The following BACH1 variants were observed in gnomAD, a reference collection of about 807,000 sequenced individuals.
BACH1 encodes the protein BTB domain and CNC homolog 1.
In BACH1, 35 loss-of-function variants were observed where a neutral mutation model predicts 52.9. The ratio of observed to expected loss-of-function variants is 0.66; its 90% CI spans 0.51 to 0.88. BACH1 has a LOEUF of 0.88. Ranked by LOEUF, BACH1 falls within the 40% of genes least tolerant of loss-of-function variation. BACH1 has a pLI of 0.00. For synonymous variants in BACH1, 321 were observed against 319.6 expected (o/e 1.00, Z -0.05); for missense variants, 808 against 872.6 (o/e 0.93, Z 0.93).
At chr21:29,318,380 G>C (rs2088811894) in intron 1 of BACH1, among the ~76,000 whole-genome samples, 1 of 152,162 alleles carries the variant, frequency 6.6e-6, no homozygotes, top group African/African-American at 2.4e-5. Context: ...GTGAGTCCCA[G>C]ATTTCTTGTA....
intron 3 of BACH1, among the ~76,000 whole-genome samples, chr21:29,327,813 T>G (rs1271937856): frequency 2.6e-5 from 4 of 152,170 alleles, no homozygotes; most frequent in Non-Finnish European, 5.9e-5. Flanking sequence ...AGAGCAAGAC[T>G]GTCTCAAAAA....
chr21:29,321,771 A>G (rs1029322395), intron 2 of BACH1, among the ~76,000 whole-genome samples: 4 of 151,942 alleles, frequency 2.6e-5, no homozygotes, highest in Non-Finnish European at 4.4e-5. Flanking sequence ...TGACCAAATC[A>G]GGACACGCCC....
At chr21:29,358,279 A>G (rs188841237) in intron 2 of BACH1, among the ~76,000 whole-genome samples, 2 of 152,248 alleles carry the variant, frequency 1.3e-5, no homozygotes, top group Non-Finnish European at 2.9e-5. Context: ...ACAATATCCA[A>G]TAAAAAGAAC....
At chr21:29,360,845 C>CAAA (rs561114811) in intron 2 of BACH1, among the ~76,000 whole-genome samples, 39 of 83,758 alleles carry the variant, frequency 4.7e-4, no homozygotes, top group Non-Finnish European at 7.7e-4. Context: ...GACCCTGTCT[C>CAAA]AAAAAAAAAA....
chr21:29,354,048 G>A (rs2123490490), intron 2 of BACH1, among the ~76,000 whole-genome samples: 1 of 152,134 alleles, frequency 6.6e-6, no homozygotes, highest in South Asian at 2.1e-4. Context: ...GATTGCTCAT[G>A]GTCAACCAAT....
At chr21:29,301,813 CTTAAGA>C (rs1183267760) in intron 1 of BACH1, among the ~76,000 whole-genome samples, 1 of 152,016 alleles carries the variant, frequency 6.6e-6, no homozygotes, top group East Asian at 1.9e-4. Flanking sequence ...CTTATGTTCT[CTTAAGA>C]TTAATAAGAC....
intron 4 of BACH1, among the ~76,000 whole-genome samples, chr21:29,332,470 T>G (rs937329864): frequency 1.3e-5 from 2 of 152,234 alleles, no homozygotes; most frequent in African/African-American, 4.8e-5. Flanking sequence ...ACTCTTTGGC[T>G]TCAAGAAACA....
chr21:29,359,979 G>A lies in BACH1; in HGVS notation c.472+30286G>A, dbSNP rs563173714. On this transcript the variant is annotated intron_variant, in intron 2 of 4. Transcript: ENST00000422809. ...TTCACTGAGTCAGACTAAGGCATCA[G>A]TGACTATTCCTCTATTCATTCCACC... 2.0e-5 allele frequency among the ~76,000 whole-genome samples: 3 copies of A among 152,290 alleles called. No individual in the cohort carries two copies. In the East Asian group the frequency reaches 5.8e-4, roughly 29 times the overall value.
intron 1 of BACH1, among the ~76,000 whole-genome samples, chr21:29,320,396 G>A (rs187887393): frequency 5.8e-4 from 88 of 152,246 alleles, no homozygotes; most frequent in African/African-American, 2.1e-3. Context: ...ATATAGATAA[G>A]CATACACGTA....
downstream of BACH1, among the ~76,000 whole-genome samples, chr21:29,348,292 C>T (rs2089182227): frequency 1.3e-5 from 2 of 152,166 alleles, no homozygotes; most frequent in Non-Finnish European, 2.9e-5. Flanking sequence ...GATGTGCTCA[C>T]TTTAGAGTCA....
At chr21:29,306,340 A>G (rs2088657377) in intron 1 of BACH1, among the ~76,000 whole-genome samples, 2 of 151,750 alleles carry the variant, frequency 1.3e-5, no homozygotes, top group Non-Finnish European at 2.9e-5. Flanking sequence ...AATATGACTT[A>G]AGTTTCCTGG....
intron 3 of BACH1, among the ~76,000 whole-genome samples, chr21:29,328,288 T>C (rs2088938675): frequency 6.6e-6 from 1 of 152,236 alleles, no homozygotes. Context: ...CAAGCTTGAT[T>C]TGTATATTCT....
rs553916789 is a variant in BACH1 at position 29,329,877 on chromosome 21, T to C, written c.1776+184T>C. 1.4e-4 allele frequency among the ~76,000 whole-genome samples: 21 copies of C among 152,130 alleles called. No homozygotes were observed. The South Asian group carries it at 4.4e-3, about 32-fold the overall frequency. On this transcript the variant is annotated intron_variant, in intron 4 of 4. Coordinates refer to ENST00000286800, the MANE Select transcript of BACH1 (RefSeq NM_001186.4). The stretch of plus-strand genomic sequence containing the variant: ...TGTAAGTGCTTTTTAAAAAGAAGGT[T>C]TTCAAATTAAGAATGACTTTACTGT...
chr21:29,328,746 GT>G (rs1265798963), intron 3 of BACH1, among the ~76,000 whole-genome samples: 2 of 152,036 alleles, frequency 1.3e-5, no homozygotes, highest in Non-Finnish European at 2.9e-5. Flanking sequence ...TCTACTCTCT[GT>G]TTCTGTGAGT....
At position 29,321,449 on chromosome 21, in the gene BACH1, A is replaced by G. The variant is rs758300312; in HGVS notation, c.169A>G (p.Ser57Gly). 40 of 1,614,108 alleles carry G rather than the reference A, an allele frequency of 2.5e-5. No homozygotes were observed. In the Admixed American group the frequency reaches 6.2e-4, roughly 25 times the overall value. The change falls in exon 2 of 5, where the codon AGT becomes GGT. Residue 57 changes from serine to glycine, a missense_variant. Physicochemically the swap from Ser to Gly is moderately conservative, Grantham distance 56 (BLOSUM62 0). Coordinates refer to ENST00000286800, the MANE Select transcript of BACH1 (RefSeq NM_001186.4). ...CCGGTCCGTGCTGGCGGCATGCAGC[A>G]GTTACTTCCACTCAAGAATCGTAGG... ...AHRSVLAACS[S>G]YFHSRIVGQA...
chr21:29,326,735 C>T lies in BACH1; in HGVS notation c.911C>T (p.Ser304Leu). ...DPASQCPTEK[S>L]EVTPFPHNSS... ...GCTTCTCAGTGCCCAACTGAAAAAT[C>T]AGAAGTGACTCCTTTCCCCCACAAT... is the stretch of plus-strand genomic sequence containing the variant. The change falls in exon 3 of 5, where the codon TCA (serine) becomes TTA (leucine). Residue 304 changes from serine (S) to leucine (L), a missense_variant. Ser to Leu is a moderately radical substitution (Grantham distance 145, BLOSUM62 -2). Transcript: ENST00000286800. The T allele has an allele frequency of 6.2e-7, 1 of 1,614,056 alleles. No homozygotes were observed. The highest frequency in any genetic ancestry group is 8.5e-7 in the Non-Finnish European group (1 of 1,180,022).
rs755600051 is a variant in BACH1 at position 29,342,731 on chromosome 21, A to AGCC, written c.2110_2112dup (p.Ala704dup). On this transcript the variant is annotated inframe_insertion, in exon 5 of 5. Transcript: ENST00000286800. ...GGCAGGAGTCCCAGCAGATGTCCACAGCCACCTCTGAGCAAGCTGGGCCTG... is the reference window on the plus strand; with the variant it reads ...GGCAGGAGTCCCAGCAGATGTCCACAGCCGCCACCTCTGAGCAAGCTGGGCCTG... 9 of 1,614,214 alleles carry AGCC rather than the reference A, an allele frequency of 5.6e-6. No homozygotes were observed. The East Asian group carries it at 1.8e-4, about 32-fold the overall frequency.
At chr21:29,327,514 A>C in intron 3 of BACH1, 121 bp downstream of exon 3, 2 of 1,334,818 alleles carry the variant, frequency 1.5e-6, no homozygotes, top group Non-Finnish European at 1.0e-6. Flanking sequence ...GAGGAAACTC[A>C]TACAAAATTA....
At chr21:29,338,682 T>C in intron 4 of BACH1, among the ~76,000 whole-genome samples, 1 of 152,258 alleles carries the variant, frequency 6.6e-6, no homozygotes, top group Non-Finnish European at 1.5e-5. Flanking sequence ...ATTTTTAATT[T>C]GTTTTATTTT....
Sources: allele counts gnomAD v4.1 joint callset (sites outside exome capture counted in the v4.1 genomes callset), GRCh38; gene constraint gnomAD v4.1.1; transcripts MANE v1.5; gene names NCBI Gene and HGNC (gene_info 2026-07-23, HGNC 2026-07-21).